RPL13A: variants seen among roughly 807,000 people sequenced by gnomAD.
The protein encoded by RPL13A is large ribosomal subunit protein uL13.
In RPL13A, 4 loss-of-function variants were observed where a neutral mutation model predicts 30.8. The observed-to-expected ratio is 0.13, with a 90% CI of 0.06 to 0.30. RPL13A has a LOEUF of 0.30. RPL13A is among the 10% of genes least tolerant of loss of function. RPL13A has a pLI of 1.00. For missense variants in RPL13A, 196 were observed against 272.6 expected, an observed-to-expected ratio of 0.72 and a Z score of 1.98; for synonymous variants, 108 against 104.2, an observed-to-expected ratio of 1.04 and a Z score of -0.22.
At chr19:49,491,363 G>A (rs1451610057) in intron 6 of RPL13A, 62 bp from the exon 7 acceptor site, 23 of 1,454,182 alleles carry the variant, frequency 1.6e-5, no homozygotes, top group Non-Finnish European at 2.2e-5. Context: ...GGCTCTTCAG[G>A]GTGTGGGGGC....
At chr19:49,489,313 TG>T (rs1214149714) in intron 1 of RPL13A, among the ~76,000 whole-genome samples, 1 of 151,780 alleles carries the variant, frequency 6.6e-6, no homozygotes, top group Non-Finnish European at 1.5e-5. Context: ...CTAGGCAACA[TG>T]GCAAAACCCT....
chr19:49,487,620 G>A lies in RPL13A; in HGVS notation c.-10G>A. The stretch of plus-strand genomic sequence containing the variant: ...ACAAAACCTCCTCCTTTTCCAAGCG[G>A]CTGCCGAAGATGGCGGAGGTGCAGG... On this transcript the variant is annotated 5_prime_UTR_variant, in exon 1 of 8. Transcript: ENST00000391857. The A allele has an allele frequency of 6.3e-7, 1 of 1,576,106 alleles. No homozygotes were observed.
Position 49,492,023 on chromosome 19 carries a change from T to A in RPL13A, c.*208T>A, listed in dbSNP as rs777442223. ...GAATTGTGCAGGTGTCATTTATCTA[T>A]GACCAATAGGAAGAGCAACCAGTTA... On this transcript the variant is annotated 3_prime_UTR_variant, in exon 8 of 8. Coordinates refer to ENST00000391857, the MANE Select transcript of RPL13A (RefSeq NM_012423.4). The A allele has an allele frequency of 1.6e-5, 9 of 547,238 alleles. No individual in the cohort carries two copies. The highest frequency in any genetic ancestry group is 3.4e-4 in the Middle Eastern group (1 of 2,952). 33.9% of individuals were successfully genotyped at this position (547,238 alleles called of 1,614,324 possible). A position where few individuals can be genotyped will look rare whatever the true frequency, so the allele number is the denominator to read the frequency against.
intron 6 of RPL13A, 25 bp from the exon 7 acceptor site, chr19:49,491,400 T>TCCCCCCCCCCCCCC: frequency 1.0e-6 from 1 of 976,862 alleles, no homozygotes; most frequent in Non-Finnish European, 1.4e-6. Flanking sequence ...CTTCATTTGT[T>TCCCCCCCCCCCCCC]CACCCCCCCC....
At chr19:49,491,655 G>A (rs2079872809) in intron 7 of RPL13A, 74 bp from the exon 8 acceptor site, 28 of 1,577,496 alleles carry the variant, frequency 1.8e-5, no homozygotes, top group Non-Finnish European at 2.3e-5. Context: ...CCGGGGTTGG[G>A]GTGGGATGCA....
Position 49,491,994 on chromosome 19 carries a change from C to G in RPL13A, c.*179C>G. 6.8e-6 allele frequency: 4 copies of G among 587,496 alleles called. No individual in the cohort carries two copies. The highest frequency in any genetic ancestry group is 1.2e-5 in the Non-Finnish European group (4 of 327,972). 36.4% of individuals were successfully genotyped at this position (587,496 alleles called of 1,614,324 possible). On this transcript the variant is annotated 3_prime_UTR_variant, in exon 8 of 8. Transcript: ENST00000391857. ...CCTCCCGAAGTTGCTTGAAAGCACT[C>G]GGAGAATTGTGCAGGTGTCATTTAT...
At chr19:49,489,455 T>C (rs1313216975) in intron 1 of RPL13A, among the ~76,000 whole-genome samples, 2 of 152,162 alleles carry the variant, frequency 1.3e-5, no homozygotes, top group African/African-American at 4.8e-5. Flanking sequence ...GGACAGCCTG[T>C]GCAACAGCGA....
In RPL13A at chr19:49,490,308, A is replaced by T. The variant is rs1217998691; in HGVS notation, c.154+11A>T. The T allele has an allele frequency of 6.2e-7, 1 of 1,613,690 alleles. No homozygotes were observed. The highest frequency in any genetic ancestry group is 8.5e-7 in the Non-Finnish European group (1 of 1,179,624). ...TCTACAGAAACAAGTGTAAGTTAGG[A>T]CCTGGGAGGAGCACTGGAGAGGGTC... On this transcript the variant is annotated intron_variant, in intron 3 of 7. Transcript: ENST00000391857.
rs568288359 is a variant in RPL13A at position 49,487,974 on chromosome 19, G to A, written c.15+330G>A. ...AGTCTTGGCCGAATTGGACCCTTGT[G>A]TGTCCTCAGCGATGAGGAACACGCG... On this transcript the variant is annotated intron_variant, in intron 1 of 7. Transcript: ENST00000391857. Among the ~76,000 whole-genome samples, 33 of 152,172 alleles carry A rather than the reference G, an allele frequency of 2.2e-4. No homozygotes were observed. The East Asian group carries it at 6.2e-3, about 28-fold the overall frequency.
chr19:49,490,888 G>C (rs1268852077), intron 5 of RPL13A, 24 bp downstream of exon 5: 30 of 1,613,468 alleles, frequency 1.9e-5, no homozygotes, highest in Non-Finnish European at 2.4e-5. Flanking sequence ...AACCCCACAG[G>C]CAGCGGCCTT....
intron 5 of RPL13A, 29 bp downstream of exon 5, chr19:49,490,893 G>A (rs777249801): frequency 1.5e-5 from 24 of 1,612,880 alleles, no homozygotes; most frequent in African/African-American, 5.3e-5. Context: ...CACAGGCAGC[G>A]GCCTTACCTG....
At chr19:49,489,790 T>C in intron 1 of RPL13A, 60 bp from the exon 2 acceptor site, 1 of 1,335,706 alleles carries the variant, frequency 7.5e-7, no homozygotes. Context: ...GAATGCTTGC[T>C]TGTGAGGACA....
At chr19:49,491,186 T>G in intron 6 of RPL13A, 87 bp downstream of exon 6, 1 of 1,459,838 alleles carries the variant, frequency 6.9e-7, no homozygotes, top group South Asian at 1.1e-5. Context: ...GCAGATGATG[T>G]CCTTATCTCA....
chr19:49,488,004 T>G (rs994957402), intron 1 of RPL13A, among the ~76,000 whole-genome samples: 2 of 151,940 alleles, frequency 1.3e-5, no homozygotes, highest in African/African-American at 4.8e-5. Flanking sequence ...CACGCGGAAG[T>G]GTGGCCGGGC....
intron 5 of RPL13A, 48 bp downstream of exon 5, chr19:49,490,912 A>G (rs377054586): frequency 3.4e-5 from 54 of 1,609,682 alleles, no homozygotes; most frequent in African/African-American, 1.9e-4. Flanking sequence ...TGTGGCGTCC[A>G]TGATGTTCCG....
Position 49,490,370 on chromosome 19 carries a change from G to A in RPL13A, c.154+73G>A. The A allele has an allele frequency of 7.5e-6, 12 of 1,591,620 alleles. No individual in the cohort carries two copies. The South Asian group carries it at 1.3e-4, about 18-fold the overall frequency. On this transcript the variant is annotated intron_variant, in intron 3 of 7. Coordinates refer to ENST00000391857, the MANE Select transcript of RPL13A (RefSeq NM_012423.4). Reference sequence around the variant, plus strand: ...TGTTGAGGCTCTGAAAGCAATTGCAGCCGTGTTGGGAGAGGCTACTTGGGG... The same window carrying A: ...TGTTGAGGCTCTGAAAGCAATTGCAACCGTGTTGGGAGAGGCTACTTGGGG...
chr19:49,489,688 TTCC>T (rs2079844680), intron 1 of RPL13A, among the ~76,000 whole-genome samples, 159 bp from the exon 2 acceptor site: 1 of 152,248 alleles, frequency 6.6e-6, no homozygotes, highest in Admixed American at 6.5e-5. Context: ...TCAGTCCCTG[TTCC>T]TCATCTGTAG....
intron 1 of RPL13A, among the ~76,000 whole-genome samples, chr19:49,489,243 C>A (rs1225349970): frequency 6.6e-6 from 1 of 152,142 alleles, no homozygotes; most frequent in Non-Finnish European, 1.5e-5. Context: ...AGCCTGTAAT[C>A]CGAGCATTTT....
intron 7 of RPL13A, 55 bp from the exon 8 acceptor site, chr19:49,491,674 A>C: frequency 6.3e-7 from 1 of 1,584,168 alleles, no homozygotes; most frequent in Non-Finnish European, 8.6e-7. Context: ...CAGTCCATGT[A>C]ATGAGGGCAA....
Sources: gnomAD v4.1 joint callset for allele counts (sites outside exome capture counted in the v4.1 genomes callset) on GRCh38, gnomAD v4.1.1 for gene constraint, MANE v1.5 for transcripts, NCBI Gene and HGNC (gene_info 2026-07-23, HGNC 2026-07-21) for gene names.